DPY19L4: variants seen among roughly 807,000 people sequenced by gnomAD.
The protein encoded by DPY19L4 is dpy-19 like 4, also known as probable C-mannosyltransferase DPY19L4.
In DPY19L4, 97 loss-of-function variants were observed where a neutral mutation model predicts 102.8. That is an observed-to-expected ratio of 0.94 (90% CI 0.80 to 1.12). DPY19L4 has a LOEUF of 1.12. DPY19L4 is among the 50% of genes most tolerant of loss of function. The pLI is 0.00. For missense variants in DPY19L4, 815 were observed against 850.4 expected, an observed-to-expected ratio of 0.96 and a Z score of 0.52; for synonymous variants, 252 against 283.1, an observed-to-expected ratio of 0.89 and a Z score of 1.10.
Position 94,765,195 on chromosome 8 carries a change from T to A in DPY19L4, c.883T>A (p.Tyr295Asn), listed in dbSNP as rs1812615646. The stretch of plus-strand genomic sequence containing the variant: ...TTTGTCACAACAGGTTTATGAAGTT[T>A]ATAAAATCTACATATTTTCCCTCTT... ...VEQSDKVYEV[Y>N]KIYIFSLFLG... The change falls in exon 9 of 19, where the codon TAT becomes AAT. Residue 295 changes from tyrosine to asparagine, a missense_variant. Coordinates refer to ENST00000414645, the MANE Select transcript of DPY19L4 (RefSeq NM_181787.3). 2 of 1,526,962 alleles carry A rather than the reference T, an allele frequency of 1.3e-6. No individual in the cohort carries two copies. The highest frequency in any genetic ancestry group is 1.8e-6 in the Non-Finnish European group (2 of 1,117,816). 94.6% of individuals were successfully genotyped at this position (1,526,962 alleles called of 1,614,324 possible).
intron 3 of DPY19L4, among the ~76,000 whole-genome samples, chr8:94,737,659 T>C (rs1341967326): frequency 6.6e-6 from 1 of 151,716 alleles, no homozygotes; most frequent in Non-Finnish European, 1.5e-5. Flanking sequence ...GGCGGGTGCC[T>C]GTAGTCCCAG....
chr8:94,745,316 A>G (rs1297296797), intron 6 of DPY19L4, among the ~76,000 whole-genome samples: 1 of 143,314 alleles, frequency 7.0e-6, no homozygotes, highest in Admixed American at 7.0e-5. Context: ...GGTTCCACGT[A>G]GAAGCAATGT....
intron 11 of DPY19L4, among the ~76,000 whole-genome samples, chr8:94,767,357 G>T (rs543770949): frequency 2.0e-5 from 3 of 146,654 alleles, no homozygotes; most frequent in Non-Finnish European, 4.5e-5. Context: ...GCAGTGGCAC[G>T]ATCTCGGCTC....
In DPY19L4 at chr8:94,756,092, C is replaced by T. The variant is rs904265420; in HGVS notation, c.668C>T (p.Pro223Leu). 1.2e-6 allele frequency: 2 copies of T among 1,613,524 alleles called. No individual in the cohort carries two copies. Among genetic ancestry groups the T allele is most frequent in the African/African-American group, 2.7e-5 (2 of 74,886 alleles). The change falls in exon 7 of 19, where the codon CCA becomes CTA. Residue 223 changes from proline (P) to leucine (L), a missense_variant. Transcript: ENST00000414645. ...CCTTTAAGAGAAAACTGGGCACTAC[C>T]ATATTTTGCATGCCAAATTGCTGCA... ...SIPLRENWALPYFACQIAALT... is the reference protein window; with the variant it reads ...SIPLRENWALLYFACQIAALT...
Position 94,765,181 on chromosome 8 carries a change from A to G in DPY19L4, c.871-2A>G, listed in dbSNP as rs1586386706. The G allele has an allele frequency of 2.1e-6, 3 of 1,456,616 alleles. No individual in the cohort carries two copies. The highest frequency in any genetic ancestry group is 2.8e-6 in the Non-Finnish European group (3 of 1,062,002). 90.2% of individuals were successfully genotyped at this position (1,456,616 alleles called of 1,614,324 possible). On this transcript the variant is annotated splice_acceptor_variant, in intron 8 of 18. Transcript: ENST00000414645. LOFTEE classifies it high-confidence loss of function. Reference sequence around the variant, plus strand: ...TCACTTATTTTATTTTTGTCACAACAGGTTTATGAAGTTTATAAAATCTAC... The same window carrying G: ...TCACTTATTTTATTTTTGTCACAACGGGTTTATGAAGTTTATAAAATCTAC...
intron 6 of DPY19L4, among the ~76,000 whole-genome samples, chr8:94,743,513 G>A (rs1450549456): frequency 1.3e-5 from 2 of 151,834 alleles, no homozygotes; most frequent in African/African-American, 2.4e-5. Flanking sequence ...GCTTGGTGGT[G>A]TGTGCCTGCA....
At chr8:94,773,529 C>A (rs1199556983) in intron 13 of DPY19L4, among the ~76,000 whole-genome samples, 1 of 151,100 alleles carries the variant, frequency 6.6e-6, no homozygotes, top group Non-Finnish European at 1.5e-5. Flanking sequence ...CCTCCCAGTT[C>A]AAGCGATTCT....
chr8:94,751,220 G>A (rs1324329433), intron 6 of DPY19L4, among the ~76,000 whole-genome samples: 1 of 150,544 alleles, frequency 6.6e-6, no homozygotes, highest in Non-Finnish European at 1.5e-5. Context: ...CTGGGTTCAC[G>A]CCATTCTCCT....
In DPY19L4 at chr8:94,739,630, G is replaced by GT. The variant is rs756066082; in HGVS notation, c.466-9dup. 115 of 1,611,808 alleles carry GT rather than the reference G, an allele frequency of 7.1e-5. No homozygotes were observed. Among genetic ancestry groups the GT allele is most frequent in the Non-Finnish European group, 6.7e-5 (79 of 1,178,750 alleles). Reference sequence around the variant, plus strand: ...CATCCTATTGTCTTGTTCTCTTTCTGTTTTTTCCACATAGGAGATTATTGA... The same window carrying GT: ...CATCCTATTGTCTTGTTCTCTTTCTGTTTTTTTCCACATAGGAGATTATTGA... On this transcript the variant is annotated splice_polypyrimidine_tract_variant and intron_variant, in intron 5 of 18. Coordinates refer to ENST00000414645, the MANE Select transcript of DPY19L4 (RefSeq NM_181787.3).
chr8:94,762,223 G>A (rs1812422777), intron 8 of DPY19L4, among the ~76,000 whole-genome samples: 1 of 152,210 alleles, frequency 6.6e-6, no homozygotes, highest in Non-Finnish European at 1.5e-5. Flanking sequence ...CCAGGCGTCT[G>A]AGGATGTGGC....
At chr8:94,764,637 TTA>T (rs1208998338) in intron 8 of DPY19L4, among the ~76,000 whole-genome samples, 33 of 140,716 alleles carry the variant, frequency 2.3e-4, no homozygotes, top group African/African-American at 4.7e-4. Context: ...TACATATATA[TTA>T]TATATATATG....
rs368003794 is a variant in DPY19L4, at chr8:94,755,359, A to G, written c.612-677A>G. Among the ~76,000 whole-genome samples the G allele has an allele frequency of 8.6e-5, 13 of 151,152 alleles. 1 individual carries two copies. The highest frequency in any genetic ancestry group is 2.9e-4 in the African/African-American group (12 of 41,094). ...GCTAATTATGCGGTGCAGATTGTAC[A>G]CTCTAGTGAAGGATAGCCATCTGGT... On this transcript the variant is annotated intron_variant, in intron 6 of 18. Coordinates refer to ENST00000414645, the MANE Select transcript of DPY19L4 (RefSeq NM_181787.3).
At chr8:94,742,267 A>G (rs1473270993) in intron 6 of DPY19L4, among the ~76,000 whole-genome samples, 5 of 152,114 alleles carry the variant, frequency 3.3e-5, no homozygotes, top group Non-Finnish European at 7.4e-5. Flanking sequence ...CTGAGGCAGG[A>G]GAATGGCGTG....
chr8:94,739,325 A>G, intron 4 of DPY19L4, 88 bp from the exon 5 acceptor site: 1 of 1,413,758 alleles, frequency 7.1e-7, no homozygotes, highest in Non-Finnish European at 9.3e-7. Context: ...CTTTCTTGAT[A>G]ACAATATTAA....
chr8:94,789,199 C>T (rs964652222), intron 18 of DPY19L4, among the ~76,000 whole-genome samples: 34 of 152,182 alleles, frequency 2.2e-4, no homozygotes, highest in African/African-American at 8.2e-4. Context: ...TGGACTTAAG[C>T]TAATCCATCC....
At chr8:94,753,239 A>G (rs1345567277) in intron 6 of DPY19L4, among the ~76,000 whole-genome samples, 1 of 152,162 alleles carries the variant, frequency 6.6e-6, no homozygotes. Flanking sequence ...ATTTTTCAAA[A>G]AAGAATAAGT....
chr8:94,734,788 A>T, intron 3 of DPY19L4, 34 bp downstream of exon 3: 1 of 1,611,992 alleles, frequency 6.2e-7, no homozygotes, highest in Non-Finnish European at 8.5e-7. Flanking sequence ...TATGAAAGTT[A>T]TTTTCCCAGG....
At position 94,738,362 on chromosome 8, in the gene DPY19L4, C is replaced by A. The variant is rs751384622; in HGVS notation, c.253-7C>A. On this transcript the variant is annotated splice_polypyrimidine_tract_variant and splice_region_variant and intron_variant, in intron 3 of 18. Coordinates refer to ENST00000414645, the MANE Select transcript of DPY19L4 (RefSeq NM_181787.3). ...AAATTTTAAATAATAATTTCATTTT[C>A]TTTTAGGAGCTTGAACGGGAAATCA... The A allele has an allele frequency of 6.2e-5, 89 of 1,441,258 alleles. No individual in the cohort carries two copies. The highest frequency in any genetic ancestry group is 7.9e-5 in the Non-Finnish European group (85 of 1,081,152). The allele number at this position is 1,441,258 out of a possible 1,614,324, so 89.3% of individuals were successfully genotyped here. A position where few individuals can be genotyped will look rare whatever the true frequency, so the allele number is the denominator to read the frequency against.
intron 2 of DPY19L4, among the ~76,000 whole-genome samples, chr8:94,732,303 A>G (rs1005574774): frequency 6.6e-6 from 1 of 151,784 alleles, no homozygotes; most frequent in East Asian, 1.9e-4. Flanking sequence ...TTAGTCCCTT[A>G]TTTTTTTTAT....
Sources: gnomAD v4.1 joint callset for allele counts (sites outside exome capture counted in the v4.1 genomes callset) on GRCh38, gnomAD v4.1.1 for gene constraint, MANE v1.5 for transcripts, NCBI Gene and HGNC (gene_info 2026-07-23, HGNC 2026-07-21) for gene names.